The following CTNNA3 variants were observed in gnomAD, a reference collection of about 807,000 sequenced individuals.
CTNNA3 encodes the protein catenin alpha 3, also known as catenin alpha-3.
In CTNNA3, 76 loss-of-function variants were observed where a neutral mutation model predicts 95.7. The observed-to-expected ratio is 0.79, with a 90% CI of 0.66 to 0.96. The LOEUF (loss-of-function observed/expected upper bound fraction) is 0.96. Among genes scored for constraint, CTNNA3 ranks in the 40% least tolerant of loss-of-function variants. The probability of loss-of-function intolerance (pLI) is 0.00; values close to 1 mark genes in which losing one functional copy is unlikely to be tolerated. For missense variants in CTNNA3, 1,191 were observed against 1,089.8 expected (o/e 1.09, Z -1.31); for synonymous variants, 431 against 374.4 (o/e 1.15, Z -1.74).
At chr10:66,281,144 TG>T (rs1282912453) in intron 12 of CTNNA3, among the ~76,000 whole-genome samples, 21 of 152,036 alleles carry the variant, frequency 1.4e-4, no homozygotes, top group African/African-American at 4.3e-4. Context: ...TTTAGTAAGA[TG>T]TTTTCTCTAT....
At chr10:66,549,408 G>T (rs1053187985) in intron 10 of CTNNA3, among the ~76,000 whole-genome samples, 104 of 152,154 alleles carry the variant, frequency 6.8e-4, no homozygotes, top group African/African-American at 2.0e-3. Context: ...TTTTATTATT[G>T]ATCTGAATAG....
intron 17 of CTNNA3, among the ~76,000 whole-genome samples, chr10:65,961,216 TTCTC>T (rs2077835410): frequency 6.6e-6 from 1 of 152,168 alleles, no homozygotes; most frequent in Admixed American, 6.5e-5. Context: ...CTTTCTTTCT[TTCTC>T]TCTCTTTTAT....
chr10:67,423,674 A>T (rs1464839724), intron 5 of CTNNA3, among the ~76,000 whole-genome samples: 1 of 152,212 alleles, frequency 6.6e-6, no homozygotes, highest in Admixed American at 6.5e-5. Flanking sequence ...AAATGAATCA[A>T]CAACACAATA....
At chr10:65,923,599 G>A (rs760779820) in intron 17 of CTNNA3, among the ~76,000 whole-genome samples, 9 of 152,210 alleles carry the variant, frequency 5.9e-5, no homozygotes, top group Admixed American at 1.3e-4. Context: ...GCAAAGTGGT[G>A]TTGCATCTCC....
In CTNNA3 at chr10:66,965,762, T is replaced by C. The variant is rs113105425; in HGVS notation, c.1048-190238A>G. On this transcript the variant is annotated intron_variant, in intron 7 of 17. Transcript: ENST00000433211. Reference sequence around the variant, plus strand: ...TTTCTTTGCTCAGTCAAAGGCCGCATATGTTTCAAAGGATACTTGATATAG... The same window carrying C: ...TTTCTTTGCTCAGTCAAAGGCCGCACATGTTTCAAAGGATACTTGATATAG... 6.6e-3 allele frequency among the ~76,000 whole-genome samples: 1,005 copies of C among 152,224 alleles called. 10 individuals carry two copies. The highest frequency in any genetic ancestry group is 0.014 in the Middle Eastern group (4 of 294).
chr10:67,306,206 T>A (rs1840547555), intron 5 of CTNNA3, among the ~76,000 whole-genome samples: 1 of 152,144 alleles, frequency 6.6e-6, no homozygotes, highest in Non-Finnish European at 1.5e-5. Context: ...GCCTTTTAAT[T>A]TTTTTAGATG....
intron 17 of CTNNA3, among the ~76,000 whole-genome samples, chr10:65,924,910 T>TA (rs752830213): frequency 2.0e-5 from 3 of 152,134 alleles, no homozygotes; most frequent in Admixed American, 6.5e-5. Context: ...TGCCCTGTTA[T>TA]AAAACCATCA....
intron 5 of CTNNA3, among the ~76,000 whole-genome samples, chr10:67,453,141 G>A (rs1238578283): frequency 1.3e-5 from 2 of 152,186 alleles, no homozygotes; most frequent in Non-Finnish European, 2.9e-5. Context: ...TCATCAGCTT[G>A]AGAGCTAGGG....
chr10:67,182,676 A>T (rs1862617427), intron 6 of CTNNA3, among the ~76,000 whole-genome samples: 1 of 152,194 alleles, frequency 6.6e-6, no homozygotes, highest in African/African-American at 2.4e-5. Context: ...ACAAAAGTCA[A>T]AATTGACAAA....
intron 12 of CTNNA3, among the ~76,000 whole-genome samples, chr10:66,310,686 C>CTTTTT (rs370233209): frequency 3.8e-5 from 5 of 132,610 alleles, no homozygotes; most frequent in African/African-American, 1.4e-4. Context: ...TTATACATAA[C>CTTTTT]TTTTTTTTTT....
intron 7 of CTNNA3, among the ~76,000 whole-genome samples, chr10:66,975,233 T>C (rs1189653708): frequency 6.6e-6 from 1 of 152,198 alleles, no homozygotes; most frequent in Non-Finnish European, 1.5e-5. Context: ...ACTTAGAAAA[T>C]ATACAGCTCT....
At chr10:67,181,118 A>G (rs563742333) in intron 6 of CTNNA3, among the ~76,000 whole-genome samples, 2 of 152,272 alleles carry the variant, frequency 1.3e-5, no homozygotes, top group African/African-American at 4.8e-5. Flanking sequence ...TACCAGATTT[A>G]ATATTATTTT....
At chr10:66,864,507 G>A (rs918612676) in intron 7 of CTNNA3, among the ~76,000 whole-genome samples, 13 of 151,960 alleles carry the variant, frequency 8.6e-5, no homozygotes, top group Admixed American at 7.9e-4. Context: ...CCTGGTCTGT[G>A]GGCTTCTGTT....
At chr10:67,365,541 C>T (rs936638647) in intron 5 of CTNNA3, among the ~76,000 whole-genome samples, 2 of 152,048 alleles carry the variant, frequency 1.3e-5, no homozygotes, top group African/African-American at 4.8e-5. Flanking sequence ...AAAAAACAAA[C>T]AACCCCATCA....
At chr10:66,399,008 C>A (rs1465932127) in intron 11 of CTNNA3, among the ~76,000 whole-genome samples, 2 of 151,944 alleles carry the variant, frequency 1.3e-5, no homozygotes, top group East Asian at 3.9e-4. Context: ...TTTCCTTTTC[C>A]AATCATGTCT....
At chr10:67,167,771 C>T (rs1332531433) in intron 7 of CTNNA3, among the ~76,000 whole-genome samples, 1 of 152,088 alleles carries the variant, frequency 6.6e-6, no homozygotes, top group African/African-American at 2.4e-5. Flanking sequence ...TCTAGATATC[C>T]CTGACCTAAG....
intron 15 of CTNNA3, among the ~76,000 whole-genome samples, chr10:66,066,267 G>C (rs989382694): frequency 3.3e-5 from 5 of 152,076 alleles, no homozygotes; most frequent in Admixed American, 2.6e-4. Flanking sequence ...AATTATAGAA[G>C]GTTAAAAGTT....
At chr10:66,998,512 A>G (rs1851489536) in intron 7 of CTNNA3, among the ~76,000 whole-genome samples, 1 of 152,186 alleles carries the variant, frequency 6.6e-6, no homozygotes, top group Admixed American at 6.5e-5. Context: ...ACACACAAAT[A>G]AAATACAATG....
At chr10:67,684,360 G>A (rs1840688494) in intron 1 of CTNNA3, among the ~76,000 whole-genome samples, 2 of 152,134 alleles carry the variant, frequency 1.3e-5, no homozygotes, top group African/African-American at 4.8e-5. Flanking sequence ...CAGACACAGA[G>A]CACTGATTTG....
Sources: allele counts gnomAD v4.1 joint callset (sites outside exome capture counted in the v4.1 genomes callset), GRCh38; gene constraint gnomAD v4.1.1; transcripts MANE v1.5; gene names NCBI Gene and HGNC (gene_info 2026-07-23, HGNC 2026-07-21).